RPS6KA2: variants seen among roughly 807,000 people sequenced by gnomAD.
The protein encoded by RPS6KA2 is ribosomal protein S6 kinase A2, also known as ribosomal protein S6 kinase alpha-2.
A neutral mutation model predicts 91.8 loss-of-function variants in RPS6KA2; 42 were observed. The observed-to-expected ratio is 0.46, with a 90% confidence interval of 0.36 to 0.59. The LOEUF (loss-of-function observed/expected upper bound fraction) is 0.59. RPS6KA2 is among the 20% of genes least tolerant of loss of function. The probability of loss-of-function intolerance (pLI) is 0.00; values close to 1 mark genes in which losing one functional copy is unlikely to be tolerated. For missense variants in RPS6KA2, 798 were observed against 978.5 expected (o/e 0.82, Z 2.46); for synonymous variants, 414 against 393.6 (o/e 1.05, Z -0.61).
chr6:166,494,131 C>G lies in RPS6KA2; in HGVS notation c.748-3390G>C, dbSNP rs1275524434. Among the ~76,000 whole-genome samples the G allele has an allele frequency of 6.6e-6, 1 of 152,164 alleles. No individual in the cohort carries two copies. Among genetic ancestry groups the G allele is most frequent in the African/African-American group, 2.4e-5 (1 of 41,432 alleles). On this transcript the variant is annotated intron_variant, in intron 8 of 20. Transcript: ENST00000265678. The surrounding 1 kb of genome is among the most constrained non-coding windows in gnomAD (Gnocchi z 5.1). ...ACAAGCCCTGACCTGAGATGGATGA[C>G]TTGAAGTGGTAGAGGGCCTGGCTTT...
At chr6:166,432,604 C>T in intron 14 of RPS6KA2, 114 bp from the exon 15 acceptor site, 2 of 623,866 alleles carry the variant, frequency 3.2e-6, no homozygotes, top group South Asian at 2.0e-5. Flanking sequence ...CCAATCACTA[C>T]AATCTCACAC....
At chr6:166,625,469 G>T (rs1283437057) in intron 1 of RPS6KA2, among the ~76,000 whole-genome samples, 1 of 152,036 alleles carries the variant, frequency 6.6e-6, no homozygotes, top group Non-Finnish European at 1.5e-5. Context: ...TGGTCAGCCA[G>T]TGTCTAGTGC....
At chr6:166,785,346 AG>A (rs1345012240) in intron 2 of RPS6KA2, among the ~76,000 whole-genome samples, 1 of 152,200 alleles carries the variant, frequency 6.6e-6, no homozygotes, top group African/African-American at 2.4e-5. Flanking sequence ...TCTCCTCCCT[AG>A]GTCGCTGGCT....
chr6:166,557,776 C>T lies in RPS6KA2; in HGVS notation c.100-18992G>A, dbSNP rs1784218986. ...CTTCTAGTCTCTATATACAGACTTT[C>T]CTCACTCTGTGAACCCTCACTATCC... On this transcript the variant is annotated intron_variant, in intron 1 of 20. Transcript: ENST00000265678. This position sits in a 1 kb window ranked among gnomAD's most constrained non-coding sequence, Gnocchi z 4.8. Among the ~76,000 whole-genome samples, 1 of 152,180 alleles carries T rather than the reference C, an allele frequency of 6.6e-6. No individual in the cohort carries two copies. The highest frequency in any genetic ancestry group is 2.4e-5 in the African/African-American group (1 of 41,432).
intron 19 of RPS6KA2, among the ~76,000 whole-genome samples, chr6:166,417,996 G>A (rs1399042664): frequency 1.3e-5 from 2 of 152,012 alleles, no homozygotes; most frequent in South Asian, 2.1e-4. Flanking sequence ...GCTGAGACAG[G>A]AGAATTACTT....
At chr6:166,505,474 A>AG (rs1383449797) in intron 5 of RPS6KA2, among the ~76,000 whole-genome samples, 1 of 152,232 alleles carries the variant, frequency 6.6e-6, no homozygotes, top group Admixed American at 6.5e-5. Context: ...CATGACCACA[A>AG]GCCATTTTCT....
intron 11 of RPS6KA2, among the ~76,000 whole-genome samples, chr6:166,461,413 G>GA (rs1419845329): frequency 1.3e-5 from 2 of 151,866 alleles, no homozygotes; most frequent in Non-Finnish European, 2.9e-5. Flanking sequence ...CCCACCCAGA[G>GA]AGTCCTGAGA....
intron 12 of RPS6KA2, among the ~76,000 whole-genome samples, chr6:166,457,698 T>TCAAAAGTCCCGC (rs1288600316): frequency 1.4e-4 from 21 of 152,222 alleles, no homozygotes; most frequent in African/African-American, 5.1e-4. Context: ...CCTAGGCCCA[T>TCAAAAGTCCCGC]CAAAAGTCCC....
At chr6:166,812,643 C>T (rs534939682) in intron 2 of RPS6KA2, among the ~76,000 whole-genome samples, 7 of 152,286 alleles carry the variant, frequency 4.6e-5, no homozygotes, top group African/African-American at 1.4e-4. Context: ...CTCCCGCTCT[C>T]GTGTGGAACC....
intron 2 of RPS6KA2, among the ~76,000 whole-genome samples, chr6:166,760,128 T>A (rs773533922): frequency 6.6e-6 from 1 of 152,246 alleles, no homozygotes; most frequent in East Asian, 1.9e-4. Context: ...TTTGGCTATC[T>A]GTAACCTATT....
intron 1 of RPS6KA2, among the ~76,000 whole-genome samples, chr6:166,553,330 C>G (rs535344035): frequency 6.6e-5 from 10 of 152,148 alleles, no homozygotes; most frequent in African/African-American, 2.2e-4. Flanking sequence ...CACTATGTTG[C>G]CCAGGCAGGT....
At chr6:166,575,012 A>C (rs775385884) in intron 1 of RPS6KA2, among the ~76,000 whole-genome samples, 2 of 152,198 alleles carry the variant, frequency 1.3e-5, no homozygotes, top group Non-Finnish European at 2.9e-5. Context: ...ATAATTTAAA[A>C]ATTTCCCTGG....
At chr6:166,576,797 A>C (rs902374210) in intron 1 of RPS6KA2, among the ~76,000 whole-genome samples, 5 of 152,268 alleles carry the variant, frequency 3.3e-5, no homozygotes, top group African/African-American at 9.6e-5. Context: ...GGAAATTTGC[A>C]TAAGTAATGA....
Position 166,550,746 on chromosome 6 carries a change from T to G in RPS6KA2, c.100-11962A>C, listed in dbSNP as rs147073246. Among the ~76,000 whole-genome samples, 45 of 152,264 alleles carry G rather than the reference T, an allele frequency of 3.0e-4. No homozygotes were observed. The East Asian group carries it at 7.9e-3, about 27-fold the overall frequency. On this transcript the variant is annotated intron_variant, in intron 1 of 20. Coordinates refer to ENST00000265678, the MANE Select transcript of RPS6KA2 (RefSeq NM_021135.6). ...GGTTGGGCGCGATGGCTCACGCCTGTAATCCCAGCACTTTGGGAGGCCAAG... is the reference window on the plus strand; with the variant it reads ...GGTTGGGCGCGATGGCTCACGCCTGGAATCCCAGCACTTTGGGAGGCCAAG...
rs76766458 is a variant in RPS6KA2 at position 166,663,615 on chromosome 6, G to A, written c.124-124831C>T. 8.4e-3 allele frequency among the ~76,000 whole-genome samples: 1,280 copies of A among 152,252 alleles called. 23 individuals carry two copies. Among genetic ancestry groups the A allele is most frequent in the South Asian group, 0.064 (308 of 4,832 alleles). The stretch of plus-strand genomic sequence containing the variant: ...TTCCCCAACAGCGTGGCTTCCTGTC[G>A]AATAACTATTCCTACCATCCCTCTA... On this transcript the variant is annotated intron_variant, in intron 2 of 21. Coordinates refer to the RPS6KA2 transcript ENST00000503859.
intron 1 of RPS6KA2, among the ~76,000 whole-genome samples, chr6:166,579,521 A>C (rs16899187): frequency 1.1e-3 from 170 of 152,340 alleles, no homozygotes; most frequent in African/African-American, 3.8e-3. Flanking sequence ...GGTTATATTT[A>C]AACAAAATTT....
At chr6:166,650,459 G>T (rs921937232) in intron 2 of RPS6KA2, among the ~76,000 whole-genome samples, 1 of 151,832 alleles carries the variant, frequency 6.6e-6, no homozygotes, top group Non-Finnish European at 1.5e-5. Context: ...AGGGAGGGGG[G>T]TCCATGTTCA....
intron 8 of RPS6KA2, 89 bp downstream of exon 8, chr6:166,498,419 G>A (rs537517973): frequency 8.1e-5 from 115 of 1,415,392 alleles, no homozygotes; most frequent in South Asian, 2.1e-4. Flanking sequence ...GCCTTCTTCC[G>A]CATTTCGGGA....
chr6:166,762,143 T>C (rs1415408516), intron 2 of RPS6KA2, among the ~76,000 whole-genome samples: 1 of 152,010 alleles, frequency 6.6e-6, no homozygotes, highest in East Asian at 1.9e-4. Context: ...TAGGTACTGG[T>C]TTCACCAAAA....
Sources: allele counts gnomAD v4.1 joint callset (sites outside exome capture counted in the v4.1 genomes callset), GRCh38; gene constraint gnomAD v4.1.1; non-coding constraint Gnocchi (gnomAD v3.1); transcripts MANE v1.5; gene names NCBI Gene and HGNC (gene_info 2026-07-23, HGNC 2026-07-21).